SNX27: variants seen among roughly 807,000 people sequenced by gnomAD.
SNX27 encodes sorting nexin 27.
Under a neutral mutation model 71.6 loss-of-function variants are expected in SNX27, and 22 were observed. The ratio of observed to expected loss-of-function variants is 0.31; its 90% CI spans 0.22 to 0.44. The LOEUF is 0.44. Ranked by LOEUF, SNX27 falls within the 20% of genes least tolerant of loss-of-function variation. SNX27 has a pLI of 1.00. For synonymous variants in SNX27, 269 were observed against 277.2 expected (o/e 0.97, Z 0.29); for missense variants, 531 against 698.6 (o/e 0.76, Z 2.70).
intron 2 of SNX27, among the ~76,000 whole-genome samples, chr1:151,657,688 G>T (rs1317597192): frequency 6.6e-6 from 1 of 152,064 alleles, no homozygotes; most frequent in African/African-American, 2.4e-5. Context: ...AATTGCCTTT[G>T]AAGATATTTA....
intron 1 of SNX27, among the ~76,000 whole-genome samples, chr1:151,621,739 T>A (rs1219155667): frequency 6.6e-6 from 1 of 152,248 alleles, no homozygotes; most frequent in African/African-American, 2.4e-5. Context: ...GTTTTATTTA[T>A]ATTTATTTAT....
chr1:151,617,077 T>A (rs1052641075), intron 1 of SNX27, among the ~76,000 whole-genome samples: 2 of 152,186 alleles, frequency 1.3e-5, no homozygotes, highest in African/African-American at 4.8e-5. Flanking sequence ...GGCTCTCGAA[T>A]TCCAACCTAA....
chr1:151,679,246 A>G (rs1038931071), intron 7 of SNX27: 2 of 152,242 alleles, frequency 1.3e-5, no homozygotes, highest in African/African-American at 4.8e-5. Context: ...TTAAACTGAT[A>G]CATCATTGAT....
At chr1:151,639,213 C>A in intron 2 of SNX27, 94 bp downstream of exon 2, 1 of 1,066,738 alleles carries the variant, frequency 9.4e-7, no homozygotes, top group Non-Finnish European at 1.3e-6. Context: ...TAAAAGGCTG[C>A]AACCTAGGTC....
intron 8 of SNX27, among the ~76,000 whole-genome samples, chr1:151,691,096 GT>G (rs1671419882): frequency 6.6e-6 from 1 of 152,112 alleles, no homozygotes; most frequent in African/African-American, 2.4e-5. Context: ...CAGTATCCAT[GT>G]TTATCACTGA....
chr1:151,636,477 A>G (rs1309885759), intron 1 of SNX27, among the ~76,000 whole-genome samples: 3 of 151,828 alleles, frequency 2.0e-5, no homozygotes, highest in Non-Finnish European at 4.4e-5. Flanking sequence ...ATCTTTTGGT[A>G]TATTTCGTAT....
rs969786997 is a variant in SNX27, at chr1:151,669,996, A to G, written c.1149+1361A>G. 3.0e-4 allele frequency among the ~76,000 whole-genome samples: 46 copies of G among 152,078 alleles called. 1 individual carries two copies. The highest frequency in any genetic ancestry group is 1.1e-3 in the African/African-American group (46 of 41,500). Reference sequence around the variant, plus strand: ...ATACTAGGCCTTATTCATTAATTCTACCTATTTTTTTTGTACCCATTAACC... The same window carrying G: ...ATACTAGGCCTTATTCATTAATTCTGCCTATTTTTTTTGTACCCATTAACC... On this transcript the variant is annotated intron_variant, in intron 7 of 11. Coordinates refer to ENST00000458013, the MANE Select transcript of SNX27 (RefSeq NM_001330723.2).
intron 1 of SNX27, among the ~76,000 whole-genome samples, chr1:151,630,627 T>G (rs1668182586): frequency 6.6e-6 from 1 of 152,242 alleles, no homozygotes. Flanking sequence ...TGTTTAAATC[T>G]GTTCAAGCTT....
intron 1 of SNX27, among the ~76,000 whole-genome samples, chr1:151,627,029 T>C (rs1347387262): frequency 6.6e-6 from 1 of 152,190 alleles, no homozygotes; most frequent in Non-Finnish European, 1.5e-5. Context: ...GGCATTAGGG[T>C]GTGGTTTCTT....
At chr1:151,614,573 C>T (rs952903725) in intron 1 of SNX27, 3 of 152,138 alleles carry the variant, frequency 2.0e-5, no homozygotes, top group African/African-American at 7.2e-5. Context: ...CCGCCCGCCT[C>T]GGCCTCCCAA....
intron 1 of SNX27, among the ~76,000 whole-genome samples, chr1:151,613,654 C>T (rs1363847558): frequency 6.6e-6 from 1 of 152,066 alleles, no homozygotes; most frequent in Non-Finnish European, 1.5e-5. Context: ...TCCCCCACCA[C>T]ATCCCTCCAT....
chr1:151,646,882 G>GACACAC (rs76803336), intron 2 of SNX27, among the ~76,000 whole-genome samples: 16,218 of 148,564 alleles, frequency 0.11, 1,105 homozygotes, highest in East Asian at 0.17. Context: ...GCTGGACACA[G>GACACAC]ACACACACAC....
rs1261194106 is a variant in SNX27, at chr1:151,693,799, TC to T, written c.1578+318del. On this transcript the variant is annotated intron_variant, in intron 11 of 11. Coordinates refer to ENST00000458013, the MANE Select transcript of SNX27 (RefSeq NM_001330723.2). ...TAAATCAGATCACCCTCCATGTTGT[TC>T]CTGACCCACAGGGGAAGCTGTCCTC... The T allele has an allele frequency of 3.4e-6, 5 of 1,452,428 alleles. No individual in the cohort carries two copies. In the East Asian group the frequency reaches 7.4e-5, roughly 22 times the overall value. 90.0% of individuals were successfully genotyped at this position (1,452,428 alleles called of 1,614,324 possible).
chr1:151,626,471 T>A (rs1233148603), intron 1 of SNX27, among the ~76,000 whole-genome samples: 2 of 152,098 alleles, frequency 1.3e-5, no homozygotes, highest in African/African-American at 4.8e-5. Flanking sequence ...AGGAAGAGAA[T>A]ACTGTTTTAT....
chr1:151,625,525 T>TA (rs1253664055), intron 1 of SNX27, among the ~76,000 whole-genome samples: 1 of 145,554 alleles, frequency 6.9e-6, no homozygotes, highest in Non-Finnish European at 1.5e-5. Flanking sequence ...AAAAGATAAA[T>TA]AAAAAAATAT....
At chr1:151,664,065 G>A (rs1463282682) in intron 5 of SNX27, among the ~76,000 whole-genome samples, 2 of 148,528 alleles carry the variant, frequency 1.3e-5, no homozygotes, top group Admixed American at 6.7e-5. Context: ...TCCTTTCATT[G>A]CTGATTTTCA....
intron 8 of SNX27, among the ~76,000 whole-genome samples, chr1:151,691,883 A>T (rs1017639858): frequency 6.6e-6 from 1 of 152,112 alleles, no homozygotes; most frequent in Non-Finnish European, 1.5e-5. Flanking sequence ...TATGGCAAAA[A>T]AAAGTAGAAG....
intron 7 of SNX27, among the ~76,000 whole-genome samples, chr1:151,680,836 A>C (rs6687866): frequency 0.33 from 50,552 of 152,020 alleles, 8,626 homozygotes; most frequent in Middle Eastern, 0.44. Flanking sequence ...TGGCTGGAGC[A>C]GTACAGTGTT....
At position 151,662,189 on chromosome 1, in the gene SNX27, A is replaced by G; in HGVS notation, c.825A>G (p.Val275=). 1 of 1,613,674 alleles carries G rather than the reference A, an allele frequency of 6.2e-7. No homozygotes were observed. The highest frequency in any genetic ancestry group is 8.5e-7 in the Non-Finnish European group (1 of 1,179,658). The change falls in exon 5 of 12, where the codon GTA becomes GTG. Residue 275 remains valine (V), a synonymous_variant. Coordinates refer to ENST00000458013, the MANE Select transcript of SNX27 (RefSeq NM_001330723.2). Reference sequence around the variant, plus strand: ...AGAACTACAATGGTGTGTCCGACGTAGAGCTGAGAGTAGCATTACCAGATG... The same window carrying G: ...AGAACTACAATGGTGTGTCCGACGTGGAGCTGAGAGTAGCATTACCAGATG... The part of the protein sequence containing the change: ...SDENYNGVSD[V]ELRVALPDGT...
Sources: allele counts gnomAD v4.1 joint callset (sites outside exome capture counted in the v4.1 genomes callset), GRCh38; gene constraint gnomAD v4.1.1; transcripts MANE v1.5; gene names NCBI Gene and HGNC (gene_info 2026-07-23, HGNC 2026-07-21).